The following UMODL1 variants were observed in gnomAD, a reference collection of about 807,000 sequenced individuals.
UMODL1 encodes uromodulin like 1.
UMODL1 carries 128 observed loss-of-function variants against 136.3 expected under a neutral mutation model. The observed-to-expected ratio is 0.94, with a 90% CI of 0.81 to 1.09. The LOEUF (loss-of-function observed/expected upper bound fraction) is 1.09, where lower values mean the gene tolerates loss of function less well. Among genes scored for constraint, UMODL1 ranks in the 50% least tolerant of loss-of-function variants. UMODL1 has a pLI of 0.00. For missense variants in UMODL1, 1,766 were observed against 1,725.6 expected (o/e 1.02, Z -0.41); for synonymous variants, 721 against 720.0 (o/e 1.00, Z -0.02).
At chr21:42,075,248 G>C (rs960836644) in intron 1 of UMODL1, among the ~76,000 whole-genome samples, 33 of 151,974 alleles carry the variant, frequency 2.2e-4, no homozygotes, top group South Asian at 6.2e-4. Context: ...AGATGGGGGG[G>C]GGGTTTCACC....
At chr21:42,111,175 G>A in intron 11 of UMODL1, 54 bp downstream of exon 11, 1 of 1,577,454 alleles carries the variant, frequency 6.3e-7, no homozygotes, top group Non-Finnish European at 8.6e-7. Context: ...CCAGCCAGGT[G>A]AACCCCAGCC....
intron 20 of UMODL1, among the ~76,000 whole-genome samples, chr21:42,128,523 A>T (rs1420067526): frequency 6.9e-6 from 1 of 145,960 alleles, no homozygotes; most frequent in Non-Finnish European, 1.5e-5. Context: ...TGGGTGACCA[A>T]GCTCTGAGCG....
At chr21:42,087,429 G>A (rs1053260954) in intron 4 of UMODL1, among the ~76,000 whole-genome samples, 4 of 152,224 alleles carry the variant, frequency 2.6e-5, no homozygotes, top group Non-Finnish European at 1.5e-5. Flanking sequence ...GGCAAAGTTT[G>A]TTCTGGTGAC....
intron 2 of UMODL1, among the ~76,000 whole-genome samples, chr21:42,079,768 C>T (rs1446185799): frequency 2.0e-5 from 3 of 152,222 alleles, no homozygotes; most frequent in African/African-American, 4.8e-5. Flanking sequence ...CACCATGGCA[C>T]AGTTCCAGGA....
chr21:42,112,192 C>T (rs867991742), intron 12 of UMODL1, among the ~76,000 whole-genome samples: 8 of 151,910 alleles, frequency 5.3e-5, no homozygotes, highest in African/African-American at 1.9e-4. Flanking sequence ...CCCTGCCAAG[C>T]ATTCTGCAGC....
At chr21:42,111,484 C>T (rs756658338) in intron 11 of UMODL1, 22 bp from the exon 12 acceptor site, 22 of 1,613,764 alleles carry the variant, frequency 1.4e-5, no homozygotes, top group Non-Finnish European at 1.8e-5. Flanking sequence ...CCACAGATGG[C>T]CCACTGGCCC....
At chr21:42,090,134 C>T (rs925748460) in intron 5 of UMODL1, among the ~76,000 whole-genome samples, 164 bp from the exon 6 acceptor site, 5 of 152,192 alleles carry the variant, frequency 3.3e-5, no homozygotes, top group African/African-American at 4.8e-5. Context: ...CCTTCTAAGA[C>T]GAGACTTCCA....
In UMODL1 at chr21:42,113,755, G is replaced by A. The variant is rs572265520; in HGVS notation, c.2287G>A (p.Val763Ile). The A allele has an allele frequency of 6.2e-6, 10 of 1,614,130 alleles. No individual in the cohort carries two copies. In the African/African-American group the frequency reaches 1.1e-4, roughly 17 times the overall value. ...GACACTGTCGGGGCTGGAGCCTGGG[G>A]TCTTGCACCTGGTTGAGATCATGGC... ...SVTLSGLEPGVLHLVEIMAKA... is the reference protein window; with the variant it reads ...SVTLSGLEPGILHLVEIMAKA... The change falls in exon 13 of 23, where the codon GTC becomes ATC. Residue 763 changes from valine to isoleucine, a missense_variant. Val to Ile is a conservative substitution (Grantham distance 29, BLOSUM62 3). Coordinates refer to ENST00000408910, the MANE Select transcript of UMODL1 (RefSeq NM_001004416.3).
intron 10 of UMODL1, among the ~76,000 whole-genome samples, chr21:42,109,964 T>C (rs549879736): frequency 6.6e-6 from 1 of 152,180 alleles, no homozygotes; most frequent in Non-Finnish European, 1.5e-5. Context: ...TTTTGATAGA[T>C]TGTTAAGTGG....
At chr21:42,071,138 A>T (rs1338129823), upstream of UMODL1, among the ~76,000 whole-genome samples, 2 of 152,200 alleles carry the variant, frequency 1.3e-5, no homozygotes, top group Non-Finnish European at 2.9e-5. Flanking sequence ...ACGAGCAGGC[A>T]TAAGGGACTG....
At chr21:42,138,601 G>A (rs948496787) in intron 22 of UMODL1, among the ~76,000 whole-genome samples, 8 of 151,188 alleles carry the variant, frequency 5.3e-5, no homozygotes, top group East Asian at 3.9e-4. Context: ...TTGAGATGGA[G>A]TTTTGCTCTT....
chr21:42,121,330 A>G (rs2066969289), intron 16 of UMODL1, 106 bp downstream of exon 16: 1 of 1,416,960 alleles, frequency 7.1e-7, no homozygotes, highest in Non-Finnish European at 9.5e-7. Context: ...TCATATTTTT[A>G]TGTCCTGGGG....
intron 6 of UMODL1, 81 bp from the exon 7 acceptor site, chr21:42,098,845 A>T: frequency 6.4e-7 from 1 of 1,559,578 alleles, no homozygotes; most frequent in Non-Finnish European, 8.7e-7. Context: ...CCAAGTTGAG[A>T]TGAGGCTCTG....
chr21:42,076,125 C>A lies in UMODL1; in HGVS notation c.197C>A (p.Pro66His), dbSNP rs1200318530. 4.3e-6 allele frequency: 7 copies of A among 1,614,136 alleles called. No individual in the cohort carries two copies. Among genetic ancestry groups the A allele is most frequent in the Non-Finnish European group, 5.1e-6 (6 of 1,180,048 alleles). ...TATGTGTCCTGCGGCGGCTGGATCC[C>A]CTGGAGGCGGTGCCCTAAGATGGTT... ...TSYVSCGGWI[P>H]WRRCPKMVYR... The change falls in exon 2 of 23, where the codon CCC becomes CAC. Residue 66 changes from proline to histidine, a missense_variant. Coordinates refer to ENST00000408910, the MANE Select transcript of UMODL1 (RefSeq NM_001004416.3).
intron 8 of UMODL1, 137 bp from the exon 9 acceptor site, chr21:42,103,731 G>A (rs1333115130): frequency 5.0e-6 from 5 of 999,470 alleles, no homozygotes; most frequent in Non-Finnish European, 7.8e-6. Flanking sequence ...TGCTCTGAGA[G>A]GTCGGTCGTC....
At chr21:42,130,873 G>A (rs866882112) in intron 21 of UMODL1, among the ~76,000 whole-genome samples, 1 of 150,802 alleles carries the variant, frequency 6.6e-6, no homozygotes. Context: ...GCAGTGGTGC[G>A]ATCTCAGCTC....
At chr21:42,135,907 C>A (rs866438006) in intron 21 of UMODL1, among the ~76,000 whole-genome samples, 1 of 152,176 alleles carries the variant, frequency 6.6e-6, no homozygotes, top group Admixed American at 6.5e-5. Flanking sequence ...AGCGTCCACT[C>A]TGGGCAGACT....
intron 22 of UMODL1, among the ~76,000 whole-genome samples, chr21:42,141,630 C>T (rs928190421): frequency 1.3e-5 from 2 of 151,942 alleles, no homozygotes; most frequent in African/African-American, 4.8e-5. Flanking sequence ...CCCGGGGCTC[C>T]TGTCTTTCGA....
In UMODL1 at chr21:42,076,111, C is replaced by A. The variant is rs553704626; in HGVS notation, c.183C>A (p.Cys61Ter). 6.2e-7 allele frequency: 1 copy of A among 1,614,218 alleles called. No homozygotes were observed. The highest frequency in any genetic ancestry group is 1.3e-5 in the African/African-American group (1 of 75,050). ...CGTCCTACACGTCCTATGTGTCCTG[C>A]GGCGGCTGGATCCCCTGGAGGCGGT... ...VQTSYTSYVS[C>*]GGWIPWRRCP... Residue 61 changes from cysteine (C) to a stop codon, truncating the protein, a stop_gained, in exon 2 of 23, where the codon TGC (cysteine) becomes TGA (stop). Transcript: ENST00000408910. LOFTEE classifies it high-confidence loss of function.
Sources: gnomAD v4.1 joint callset for allele counts (sites outside exome capture counted in the v4.1 genomes callset) on GRCh38, gnomAD v4.1.1 for gene constraint, MANE v1.5 for transcripts, NCBI Gene and HGNC (gene_info 2026-07-23, HGNC 2026-07-21) for gene names.